Variants in SLCO2B1 observed in about 807,000 individuals in gnomAD.
SLCO2B1 encodes the protein OATP-RP2.
In SLCO2B1, 41 loss-of-function variants were observed where a neutral mutation model predicts 67.3. The ratio of observed to expected loss-of-function variants is 0.61; its 90% CI spans 0.47 to 0.79. SLCO2B1 has a LOEUF of 0.79. SLCO2B1 is among the 30% of genes least tolerant of loss of function. SLCO2B1 has a pLI of 0.00. For synonymous variants in SLCO2B1, 379 were observed against 381.4 expected (o/e 0.99, Z 0.07); for missense variants, 837 against 920.1 (o/e 0.91, Z 1.17).
intron 4 of SLCO2B1, among the ~76,000 whole-genome samples, chr11:75,168,091 C>T (rs1202971001): frequency 6.6e-6 from 1 of 152,052 alleles, no homozygotes; most frequent in African/African-American, 2.4e-5. Flanking sequence ...TGGGATTTCT[C>T]CATGTTGGCC....
intron 10 of SLCO2B1, among the ~76,000 whole-genome samples, chr11:75,197,748 T>C (rs1321603682): frequency 6.6e-6 from 1 of 152,148 alleles, no homozygotes; most frequent in Non-Finnish European, 1.5e-5. Context: ...ACTGATCTCT[T>C]CCTCTGTGCC....
At chr11:75,153,207 A>G (rs1949711956) in intron 1 of SLCO2B1, among the ~76,000 whole-genome samples, 1 of 152,152 alleles carries the variant, frequency 6.6e-6, no homozygotes, top group Non-Finnish European at 1.5e-5. Flanking sequence ...GCCGTTCCAG[A>G]TTCTTCCAGC....
Position 75,199,899 on chromosome 11 carries a change from G to T in SLCO2B1, c.1600-325G>T, listed in dbSNP as rs185023250. ...AGCCCGGGGACATGGCCAGCCTGGG[G>T]ATGTTTTCTTACAGTTGGTGTGTAG... On this transcript the variant is annotated intron_variant, in intron 10 of 13. Transcript: ENST00000289575. The T allele has an allele frequency of 3.8e-3, 1,240 of 326,472 alleles. 9 individuals carry two copies. The highest frequency in any genetic ancestry group is 5.4e-3 in the Non-Finnish European group (961 of 177,928). The allele number at this position is 326,472 out of a possible 1,614,324, so 20.2% of individuals were successfully genotyped here. A position where few individuals can be genotyped will look rare whatever the true frequency, so the allele number is the denominator to read the frequency against.
chr11:75,169,258 A>T lies in SLCO2B1; in HGVS notation c.534A>T (p.Ser178=), dbSNP rs556704539. Residue 178 remains serine (S), a synonymous_variant, in exon 5 of 14, where the codon TCA becomes TCT. Coordinates refer to ENST00000289575, the MANE Select transcript of SLCO2B1 (RefSeq NM_007256.5). ...CGGCCCCCTCCAATGGCAACTGCTC[A>T]AGCTACACAGAAACCCAGCATCTGA... ...PASAPSNGNC[S]SYTETQHLSV... 6.2e-7 allele frequency: 1 copy of T among 1,614,200 alleles called. No homozygotes were observed. Among genetic ancestry groups the T allele is most frequent in the African/African-American group, 1.3e-5 (1 of 75,048 alleles).
chr11:75,200,388 G>T lies in SLCO2B1; in HGVS notation c.1763+1G>T. ...CACCCTCCTTCATGCTCATCCTAAGGTGAAGGTGGGGGTGGGGCAGGGGCA... is the reference window on the plus strand; with the variant it reads ...CACCCTCCTTCATGCTCATCCTAAGTTGAAGGTGGGGGTGGGGCAGGGGCA... On this transcript the variant is annotated splice_donor_variant, in intron 11 of 13. Coordinates refer to ENST00000289575, the MANE Select transcript of SLCO2B1 (RefSeq NM_007256.5). LOFTEE classifies it high-confidence loss of function. 1 of 1,590,432 alleles carries T rather than the reference G, an allele frequency of 6.3e-7. No homozygotes were observed.
rs115999368 is a variant in SLCO2B1 at position 75,191,224 on chromosome 11, G to A, written c.1076-1994G>A. On this transcript the variant is annotated intron_variant, in intron 8 of 13. Transcript: ENST00000289575. Reference sequence around the variant, plus strand: ...AACTCCTGGCCTTAAACTGGCCTCTGGATGAACTTGGGCGAGCCCCTGTCC... The same window carrying A: ...AACTCCTGGCCTTAAACTGGCCTCTAGATGAACTTGGGCGAGCCCCTGTCC... Among the ~76,000 whole-genome samples, 1,116 of 152,180 alleles carry A rather than the reference G, an allele frequency of 7.3e-3. 14 individuals carry two copies. The highest frequency in any genetic ancestry group is 0.025 in the African/African-American group (1,034 of 41,512).
At chr11:75,203,274 C>T (rs774559899) in intron 12 of SLCO2B1, 33 bp from the exon 13 acceptor site, 4 of 1,608,260 alleles carry the variant, frequency 2.5e-6, no homozygotes, top group Non-Finnish European at 2.5e-6. Flanking sequence ...GGACGGTGGG[C>T]CTTCATTGTC....
At chr11:75,172,796 G>A (rs1327665234) in intron 7 of SLCO2B1, among the ~76,000 whole-genome samples, 1 of 152,136 alleles carries the variant, frequency 6.6e-6, no homozygotes, top group Admixed American at 6.5e-5. Context: ...GGGCATGGTG[G>A]TGGGCACCTG....
chr11:75,197,581 G>A (rs1178657427), intron 10 of SLCO2B1, among the ~76,000 whole-genome samples: 1 of 152,248 alleles, frequency 6.6e-6, no homozygotes, highest in Non-Finnish European at 1.5e-5. Context: ...CTGGAGAGCA[G>A]TGGGAAGCCA....
At chr11:75,195,597 C>G (rs912608123) in intron 9 of SLCO2B1, among the ~76,000 whole-genome samples, 1 of 152,166 alleles carries the variant, frequency 6.6e-6, no homozygotes, top group African/African-American at 2.4e-5. Flanking sequence ...CCCCATGGAA[C>G]TGACATTTCA....
At chr11:75,194,746 A>T (rs192278770) in intron 9 of SLCO2B1, among the ~76,000 whole-genome samples, 89 of 152,310 alleles carry the variant, frequency 5.8e-4, no homozygotes, top group Non-Finnish European at 1.2e-3. Context: ...GTAAAAAGTA[A>T]ATGGATATTT....
At chr11:75,199,715 G>C (rs1428115457) in intron 10 of SLCO2B1, 2 of 153,160 alleles carry the variant, frequency 1.3e-5, no homozygotes, top group Non-Finnish European at 2.9e-5. Flanking sequence ...CTGGTCTATG[G>C]GAAAGCAAAG....
Position 75,197,413 on chromosome 11 carries a change from G to T in SLCO2B1, c.1599+734G>T, listed in dbSNP as rs719610. ...TACTTGGGAGGGAAGGGCTTTCCAG[G>T]CAGGGGGAAATGCGCTCAGCAGAGA... On this transcript the variant is annotated intron_variant, in intron 10 of 13. Coordinates refer to ENST00000289575, the MANE Select transcript of SLCO2B1 (RefSeq NM_007256.5). Among the ~76,000 whole-genome samples, 1,302 of 152,376 alleles carry T rather than the reference G, an allele frequency of 8.5e-3. 25 individuals are homozygous for T. Among genetic ancestry groups the T allele is most frequent in the African/African-American group, 0.03 (1,249 of 41,594 alleles).
intron 9 of SLCO2B1, among the ~76,000 whole-genome samples, chr11:75,195,318 C>T (rs1044672593): frequency 6.6e-6 from 1 of 152,218 alleles, no homozygotes; most frequent in African/African-American, 2.4e-5. Context: ...CCTGGCACTG[C>T]CTCCTGATGG....
At chr11:75,176,974 C>T (rs561531127) in intron 7 of SLCO2B1, among the ~76,000 whole-genome samples, 3 of 152,178 alleles carry the variant, frequency 2.0e-5, no homozygotes, top group Admixed American at 1.3e-4. Flanking sequence ...CAGGTCCTGG[C>T]GCCAGAGGGC....
At chr11:75,202,818 A>T (rs1331596057) in intron 11 of SLCO2B1, 83 bp from the exon 12 acceptor site, 4 of 1,206,772 alleles carry the variant, frequency 3.3e-6, no homozygotes, top group Non-Finnish European at 4.9e-6. Context: ...GAAGGGCATA[A>T]TAAGAACCCT....
At chr11:75,153,323 T>A (rs1949713055) in intron 1 of SLCO2B1, among the ~76,000 whole-genome samples, 1 of 152,180 alleles carries the variant, frequency 6.6e-6, no homozygotes, top group Admixed American at 6.5e-5. Flanking sequence ...TGTGTTCAAA[T>A]GTAAGCCATT....
At chr11:75,185,670 T>C (rs919703654) in intron 7 of SLCO2B1, among the ~76,000 whole-genome samples, 1 of 151,786 alleles carries the variant, frequency 6.6e-6, no homozygotes, top group African/African-American at 2.4e-5. Context: ...AGCAAGTCCA[T>C]AGAGTAAAGT....
In SLCO2B1 at chr11:75,200,223, G is replaced by C; in HGVS notation, c.1600-1G>C. The C allele has an allele frequency of 6.2e-7, 1 of 1,609,158 alleles. No homozygotes were observed. The highest frequency in any genetic ancestry group is 2.2e-5 in the East Asian group (1 of 44,708). On this transcript the variant is annotated splice_acceptor_variant, in intron 10 of 13. Coordinates refer to ENST00000289575, the MANE Select transcript of SLCO2B1 (RefSeq NM_007256.5). LOFTEE classifies it high-confidence loss of function. ...GTCTCTTCCTCCTCTTCCCACTCCA[G>C]GTTTTCTACACCAACTGCAGCTGCG...
Sources: allele counts gnomAD v4.1 joint callset (sites outside exome capture counted in the v4.1 genomes callset), GRCh38; gene constraint gnomAD v4.1.1; transcripts MANE v1.5; gene names NCBI Gene and HGNC (gene_info 2026-07-23, HGNC 2026-07-21).